Variants in CSMD3 observed in about 807,000 individuals in gnomAD.
CSMD3 encodes CUB and Sushi multiple domains 3.
In CSMD3, 177 loss-of-function variants were observed where a neutral mutation model predicts 435.2. That is an observed-to-expected ratio of 0.41 (90% confidence interval 0.36 to 0.46). CSMD3 has a LOEUF of 0.46. CSMD3 is among the 20% of genes least tolerant of loss of function. CSMD3 has a pLI of 0.34. For missense variants in CSMD3, 4,265 were observed against 4,504.6 expected (o/e 0.95, Z 1.52); for synonymous variants, 1,656 against 1,520.5 (o/e 1.09, Z -2.07).
intron 22 of CSMD3, among the ~76,000 whole-genome samples, chr8:112,623,391 A>C (rs146126181): frequency 2.8e-3 from 425 of 152,106 alleles, no homozygotes; most frequent in African/African-American, 3.6e-3. Context: ...CTTCCACACA[A>C]AAAAAATACC....
intron 45 of CSMD3, among the ~76,000 whole-genome samples, chr8:112,326,366 T>C (rs2130901484): frequency 6.6e-6 from 1 of 152,324 alleles, no homozygotes; most frequent in East Asian, 1.9e-4. Context: ...AAATATTTAC[T>C]CTGTAACCAG....
At chr8:112,962,319 T>C (rs946348401) in intron 7 of CSMD3, among the ~76,000 whole-genome samples, 2 of 151,838 alleles carry the variant, frequency 1.3e-5, no homozygotes, top group East Asian at 1.9e-4. Flanking sequence ...TTCTTACTCA[T>C]GATAAAATAT....
chr8:112,329,418 C>G (rs1041577885), intron 45 of CSMD3, among the ~76,000 whole-genome samples: 11 of 152,084 alleles, frequency 7.2e-5, no homozygotes, highest in African/African-American at 2.4e-4. Context: ...AGGTATATTC[C>G]ATTCCCCCCC....
At chr8:112,623,793 A>G (rs1207114244) in intron 22 of CSMD3, among the ~76,000 whole-genome samples, 1 of 152,010 alleles carries the variant, frequency 6.6e-6, no homozygotes, top group Non-Finnish European at 1.5e-5. Context: ...CATTTGTCTT[A>G]AAGAAATTGC....
At chr8:113,075,579 C>T (rs2089302968) in intron 5 of CSMD3, among the ~76,000 whole-genome samples, 1 of 151,784 alleles carries the variant, frequency 6.6e-6, no homozygotes, top group Non-Finnish European at 1.5e-5. Context: ...AATTGTCAGG[C>T]TTAATGAGGC....
At chr8:113,250,578 A>G (rs1428068431) in intron 3 of CSMD3, among the ~76,000 whole-genome samples, 1 of 152,104 alleles carries the variant, frequency 6.6e-6, no homozygotes, top group African/African-American at 2.4e-5. Flanking sequence ...CGGAGTTTGG[A>G]TTTAAAAGAA....
chr8:113,057,254 G>C (rs2088383316), intron 5 of CSMD3, among the ~76,000 whole-genome samples: 1 of 152,042 alleles, frequency 6.6e-6, no homozygotes, highest in African/African-American at 2.4e-5. Flanking sequence ...AATTTCAGAA[G>C]CCCTGGCCTT....
chr8:112,462,995 T>C (rs138753032), intron 32 of CSMD3, among the ~76,000 whole-genome samples: 1 of 152,328 alleles, frequency 6.6e-6, no homozygotes, highest in African/African-American at 2.4e-5. Flanking sequence ...TTGCTCTCCC[T>C]AGAAAGTCTC....
chr8:112,406,744 T>C lies in CSMD3; in HGVS notation c.5606-17A>G, dbSNP rs772383271. ...TAGGAACAGCTGTGTAGAAATATTA[T>C]ATTTATTTTAATTTTATATGGTAGA... is the stretch of plus-strand genomic sequence containing the variant. On this transcript the variant is annotated splice_polypyrimidine_tract_variant and intron_variant, in intron 34 of 70. Transcript: ENST00000297405. The C allele has an allele frequency of 1.3e-6, 2 of 1,488,662 alleles. No homozygotes were observed. The highest frequency in any genetic ancestry group is 2.3e-5 in the East Asian group (1 of 42,728). The allele number at this position is 1,488,662 out of a possible 1,614,324, so 92.2% of individuals were successfully genotyped here.
chr8:112,388,253 G>A (rs1830131841), intron 36 of CSMD3, among the ~76,000 whole-genome samples: 1 of 152,112 alleles, frequency 6.6e-6, no homozygotes, highest in Non-Finnish European at 1.5e-5. Flanking sequence ...TGTCAAAAGA[G>A]ATAAGGAGAT....
rs537731996 is a variant in CSMD3 at position 112,610,347 on chromosome 8, C to A, written c.3716-23112G>T. Reference sequence around the variant, plus strand: ...TAAAGCTAAAATTAAAAAAAAAAAACCCACAATGTTAAGGAGCCTCAGCAA... The same window carrying A: ...TAAAGCTAAAATTAAAAAAAAAAAAACCACAATGTTAAGGAGCCTCAGCAA... On this transcript the variant is annotated intron_variant, in intron 22 of 70. Transcript: ENST00000297405. Among the ~76,000 whole-genome samples the A allele has an allele frequency of 4.0e-4, 60 of 150,664 alleles. 2 individuals are homozygous for A. The South Asian group carries it at 0.01, about 26-fold the overall frequency.
At chr8:112,385,438 C>T (rs1829850996) in intron 36 of CSMD3, among the ~76,000 whole-genome samples, 1 of 152,180 alleles carries the variant, frequency 6.6e-6, no homozygotes, top group Admixed American at 6.5e-5. Flanking sequence ...CAACTATGCA[C>T]TTCAAGACGT....
At position 113,305,567 on chromosome 8, in the gene CSMD3, A is replaced by C. The variant is rs561864502; in HGVS notation, c.401+9004T>G. Among the ~76,000 whole-genome samples the C allele has an allele frequency of 2.6e-4, 40 of 152,300 alleles. No homozygotes were observed. The South Asian group carries it at 7.9e-3, about 30-fold the overall frequency. ...ATCTTTTGTTTGATCTTTTAACCCC[A>C]GTTTTAATGGTTTAATTTAGTCTAT... On this transcript the variant is annotated intron_variant, in intron 2 of 70. Coordinates refer to ENST00000297405, the MANE Select transcript of CSMD3 (RefSeq NM_198123.2).
intron 10 of CSMD3, among the ~76,000 whole-genome samples, chr8:112,908,208 C>T (rs2130507144): frequency 6.6e-6 from 1 of 151,486 alleles, no homozygotes; most frequent in South Asian, 2.1e-4. Flanking sequence ...AGGCTTTAGA[C>T]AGCTTGGCAA....
chr8:112,831,722 T>C (rs1459589412), intron 11 of CSMD3, among the ~76,000 whole-genome samples: 1 of 152,186 alleles, frequency 6.6e-6, no homozygotes, highest in Non-Finnish European at 1.5e-5. Context: ...GAATTCTTTA[T>C]ATTGGTGATT....
At chr8:113,014,982 C>A (rs1298725106) in intron 6 of CSMD3, among the ~76,000 whole-genome samples, 2 of 152,132 alleles carry the variant, frequency 1.3e-5, no homozygotes, top group African/African-American at 4.8e-5. Flanking sequence ...CAATTAGTAT[C>A]TTTATGATTC....
At position 112,295,863 on chromosome 8, in the gene CSMD3, T is replaced by A. The variant is rs760129511; in HGVS notation, c.8584A>T (p.Asn2862Tyr). The stretch of plus-strand genomic sequence containing the variant: ...CAGGATGGGAGCTGACCAGACCAAT[T>A]GTGATCCTGTTGACATATCCTCACT... ...SSVRICQQDHNWSGQLPSCVP... is the reference protein window; with the variant it reads ...SSVRICQQDHYWSGQLPSCVP... Residue 2862 changes from asparagine (N) to tyrosine (Y), a missense_variant, in exon 54 of 71, where the codon AAT becomes TAT. By Grantham distance (143) the Asn-to-Tyr change is moderately radical. Around this residue, in one of 3 missense-constraint regions of CSMD3, gnomAD observed 3,255 missense variants for 3,380.2 expected, o/e 0.96. Coordinates refer to ENST00000297405, the MANE Select transcript of CSMD3 (RefSeq NM_198123.2). 1 of 1,614,004 alleles carries A rather than the reference T, an allele frequency of 6.2e-7. No individual in the cohort carries two copies. Among genetic ancestry groups the A allele is most frequent in the South Asian group, 1.1e-5 (1 of 91,062 alleles).
intron 38 of CSMD3, among the ~76,000 whole-genome samples, chr8:112,365,349 G>A (rs1226594415): frequency 6.7e-6 from 1 of 150,190 alleles, no homozygotes; most frequent in Non-Finnish European, 1.5e-5. Context: ...ATCAGTAGAA[G>A]ACATCAAAGT....
chr8:112,448,776 A>C (rs1815929252), intron 32 of CSMD3, among the ~76,000 whole-genome samples: 2 of 141,424 alleles, frequency 1.4e-5, no homozygotes, highest in African/African-American at 5.0e-5. Context: ...AAAAAAAAAA[A>C]AACCAAAAAC....
Sources: allele counts gnomAD v4.1 joint callset (sites outside exome capture counted in the v4.1 genomes callset), GRCh38; gene constraint gnomAD v4.1.1; regional missense constraint gnomAD v4.1.1; transcripts MANE v1.5; gene names NCBI Gene and HGNC (gene_info 2026-07-23, HGNC 2026-07-21).